Variants in COL13A1 observed in about 807,000 individuals in gnomAD.
COL13A1 encodes the protein collagen alpha-1(XIII) chain.
A neutral mutation model predicts 130.9 loss-of-function variants in COL13A1; 89 were observed. That is an observed-to-expected ratio of 0.68 (90% CI 0.57 to 0.81). COL13A1 has a LOEUF of 0.81. Ranked by LOEUF, COL13A1 falls within the 30% of genes least tolerant of loss-of-function variation. The pLI is 0.00. For missense variants in COL13A1, 879 were observed against 934.6 expected (o/e 0.94, Z 0.78); for synonymous variants, 402 against 341.6 (o/e 1.18, Z -1.95).
chr10:69,822,633 A>C (rs1043162618), intron 2 of COL13A1, among the ~76,000 whole-genome samples, 195 bp downstream of exon 2: 1 of 152,112 alleles, frequency 6.6e-6, no homozygotes, highest in Non-Finnish European at 1.5e-5. Context: ...CAGTCCACCC[A>C]CCATTCATTT....
intron 2 of COL13A1, among the ~76,000 whole-genome samples, chr10:69,829,674 G>A (rs1848347758): frequency 6.6e-6 from 1 of 152,220 alleles, no homozygotes; most frequent in South Asian, 2.1e-4. Context: ...TGGGTTTAAG[G>A]AGCACCCCCA....
intron 2 of COL13A1, among the ~76,000 whole-genome samples, chr10:69,863,824 C>T (rs1858959705): frequency 6.6e-6 from 1 of 152,144 alleles, no homozygotes; most frequent in African/African-American, 2.4e-5. Context: ...TGTGTATAAT[C>T]CCAGCACTTT....
At chr10:69,894,336 T>C (rs938946747) in intron 10 of COL13A1, among the ~76,000 whole-genome samples, 9 of 152,232 alleles carry the variant, frequency 5.9e-5, no homozygotes, top group African/African-American at 9.6e-5. Flanking sequence ...AAAGATGCCA[T>C]CTGTTCTTCA....
chr10:69,926,120 A>G (rs2065318607), intron 26 of COL13A1: 1 of 513,066 alleles, frequency 1.9e-6, no homozygotes, highest in Non-Finnish European at 3.5e-6. Flanking sequence ...CTGGCCAGTT[A>G]TCCTGCCTCA....
chr10:69,940,522 T>C (rs1589666448), intron 34 of COL13A1, among the ~76,000 whole-genome samples: 1 of 152,126 alleles, frequency 6.6e-6, no homozygotes. Flanking sequence ...CATGGCCTGA[T>C]CCAAACAGGA....
At position 69,921,939 on chromosome 10, in the gene COL13A1, G is replaced by C. The variant is rs773955956; in HGVS notation, c.1143+4G>C. 1.4e-5 allele frequency: 22 copies of C among 1,602,926 alleles called. No homozygotes were observed. Among genetic ancestry groups the C allele is most frequent in the Non-Finnish European group, 1.9e-5 (22 of 1,175,004 alleles). On this transcript the variant is annotated splice_donor_region_variant and intron_variant, in intron 22 of 40. Transcript: ENST00000645393. ...TCCTGGCCTCCTGGGGCAGAAGGTAGGTGTTGCTCTGAATGGAGGGTTCAA... is the reference window on the plus strand; with the variant it reads ...TCCTGGCCTCCTGGGGCAGAAGGTACGTGTTGCTCTGAATGGAGGGTTCAA...
Position 69,958,850 on chromosome 10 carries a change from A to G in COL13A1, c.*149A>G. 1.9e-6 allele frequency: 2 copies of G among 1,053,232 alleles called. No individual in the cohort carries two copies. The highest frequency in any genetic ancestry group is 2.7e-6 in the Non-Finnish European group (2 of 740,900). The allele number at this position is 1,053,232 out of a possible 1,614,324, so 65.2% of individuals were successfully genotyped here. A position where few individuals can be genotyped will look rare whatever the true frequency, so the allele number is the denominator to read the frequency against. On this transcript the variant is annotated 3_prime_UTR_variant, in exon 41 of 41. Transcript: ENST00000645393. ...AAAACCTGCATATTTTGTACAGAAAATATCAACCTCTTCCCTTTTGTTTAC... is the reference window on the plus strand; with the variant it reads ...AAAACCTGCATATTTTGTACAGAAAGTATCAACCTCTTCCCTTTTGTTTAC...
At chr10:69,856,352 G>A (rs1395267915) in intron 2 of COL13A1, among the ~76,000 whole-genome samples, 1 of 152,144 alleles carries the variant, frequency 6.6e-6, no homozygotes, top group African/African-American at 2.4e-5. Flanking sequence ...TCTCCACCAT[G>A]CCCTATCACA....
At chr10:69,914,933 G>A (rs150848477) in intron 17 of COL13A1, among the ~76,000 whole-genome samples, 1 of 152,334 alleles carries the variant, frequency 6.6e-6, no homozygotes, top group Non-Finnish European at 1.5e-5. Context: ...CCTATGATGG[G>A]CCACAGACCT....
chr10:69,886,371 C>A (rs1409233613), intron 7 of COL13A1, among the ~76,000 whole-genome samples: 1 of 152,188 alleles, frequency 6.6e-6, no homozygotes, highest in Admixed American at 6.5e-5. Context: ...GAGGGTCACA[C>A]AGTCATAGTC....
intron 7 of COL13A1, among the ~76,000 whole-genome samples, chr10:69,880,871 A>G (rs933752482): frequency 6.6e-6 from 1 of 152,174 alleles, no homozygotes; most frequent in Non-Finnish European, 1.5e-5. Context: ...TCTCCTCCGG[A>G]TGGGGTGATC....
chr10:69,888,042 A>G (rs536276963), intron 8 of COL13A1, among the ~76,000 whole-genome samples: 1 of 152,318 alleles, frequency 6.6e-6, no homozygotes, highest in South Asian at 2.1e-4. Context: ...GGTCCTTGAC[A>G]TTAATGGGGA....
At chr10:69,842,720 C>T (rs1033258138) in intron 2 of COL13A1, among the ~76,000 whole-genome samples, 2 of 152,236 alleles carry the variant, frequency 1.3e-5, no homozygotes, top group Admixed American at 1.3e-4. Context: ...CAGATGCTGG[C>T]CTCAGTGTGC....
chr10:69,888,167 C>A, intron 8 of COL13A1, 137 bp from the exon 9 acceptor site: 2 of 906,176 alleles, frequency 2.2e-6, no homozygotes, highest in Middle Eastern at 2.2e-4. Context: ...GTCACATTAA[C>A]AAGTACGTGG....
In COL13A1 at chr10:69,827,981, G is replaced by A. The variant is rs189833653; in HGVS notation, c.364+5543G>A. ...ATCTTAGGAATCTGCAGACCAAAGC[G>A]TCCTTTGTTTCTATCAATGAAGAAA... is the stretch of plus-strand genomic sequence containing the variant. On this transcript the variant is annotated intron_variant, in intron 2 of 40. Coordinates refer to ENST00000645393, the MANE Select transcript of COL13A1 (RefSeq NM_001368882.1). Among the ~76,000 whole-genome samples the A allele has an allele frequency of 1.4e-4, 21 of 152,278 alleles. No individual in the cohort carries two copies. The East Asian group carries it at 3.3e-3, about 24-fold the overall frequency.
At chr10:69,809,913 G>A (rs1428388351) in intron 1 of COL13A1, among the ~76,000 whole-genome samples, 2 of 152,178 alleles carry the variant, frequency 1.3e-5, no homozygotes, top group Non-Finnish European at 2.9e-5. Flanking sequence ...CTCTGAACTG[G>A]CCACTAGGAA....
chr10:69,858,035 G>A (rs1264405125), intron 2 of COL13A1, among the ~76,000 whole-genome samples: 6 of 149,304 alleles, frequency 4.0e-5, no homozygotes, highest in African/African-American at 1.5e-4. Flanking sequence ...AGAATTGCTT[G>A]AACCCGGGAG....
At chr10:69,947,372 A>C (rs761506930) in intron 38 of COL13A1, 30 bp downstream of exon 38, 1 of 1,594,960 alleles carries the variant, frequency 6.3e-7, no homozygotes, top group African/African-American at 1.3e-5. Flanking sequence ...CTCGTGCTCT[A>C]GTTACTAATG....
intron 30 of COL13A1, among the ~76,000 whole-genome samples, 176 bp from the exon 31 acceptor site, chr10:69,932,384 T>A (rs1315439087): frequency 6.6e-6 from 1 of 152,178 alleles, no homozygotes; most frequent in African/African-American, 2.4e-5. Context: ...TCTCCTCCCC[T>A]GTACTAGAGC....
Sources: allele counts gnomAD v4.1 joint callset (sites outside exome capture counted in the v4.1 genomes callset), GRCh38; gene constraint gnomAD v4.1.1; transcripts MANE v1.5; gene names NCBI Gene and HGNC (gene_info 2026-07-23, HGNC 2026-07-21).